RPTOR: variants seen among roughly 807,000 people sequenced by gnomAD.
RPTOR encodes regulatory-associated protein of mTOR.
A neutral mutation model predicts 169.9 loss-of-function variants in RPTOR; 21 were observed. The observed-to-expected ratio is 0.12, with a 90% confidence interval of 0.09 to 0.18. The LOEUF is 0.18. Ranked by LOEUF, RPTOR falls within the 10% of genes least tolerant of loss-of-function variation. The probability of loss-of-function intolerance (pLI) is 1.00; values close to 1 mark genes in which losing one functional copy is unlikely to be tolerated. For missense variants in RPTOR, 1,133 were observed against 1,855.9 expected, an observed-to-expected ratio of 0.61 and a Z score of 7.16; for synonymous variants, 732 against 753.2, an observed-to-expected ratio of 0.97 and a Z score of 0.46.
intron 2 of RPTOR, among the ~76,000 whole-genome samples, chr17:80,634,201 C>CTGTG (rs67850541): frequency 1.8e-5 from 2 of 108,610 alleles, no homozygotes; most frequent in African/African-American, 3.8e-5. Context: ...TGTGTGCATA[C>CTGTG]TGTGTGTGCA....
At chr17:80,727,590 C>A (rs768129525) in intron 4 of RPTOR, among the ~76,000 whole-genome samples, 2 of 152,118 alleles carry the variant, frequency 1.3e-5, no homozygotes, top group African/African-American at 4.8e-5. Context: ...GCTCCAAGAA[C>A]GTGGACGCTG....
intron 20 of RPTOR, among the ~76,000 whole-genome samples, chr17:80,899,548 G>C (rs949462618): frequency 3.3e-5 from 5 of 152,194 alleles, no homozygotes; most frequent in African/African-American, 4.8e-5. Flanking sequence ...CCCAGTTCAC[G>C]CTCATCAAGG....
intron 21 of RPTOR, among the ~76,000 whole-genome samples, chr17:80,915,162 G>A (rs2068658092): frequency 6.6e-6 from 1 of 151,776 alleles, no homozygotes; most frequent in African/African-American, 2.4e-5. Flanking sequence ...CCTCTCTGCT[G>A]AGAACTGAGC....
At chr17:80,570,516 A>C (rs541510983) in intron 1 of RPTOR, among the ~76,000 whole-genome samples, 1 of 152,004 alleles carries the variant, frequency 6.6e-6, no homozygotes, top group South Asian at 2.1e-4. Flanking sequence ...GCTGGAGTGC[A>C]ATGGTGCAGT....
chr17:80,704,564 C>A (rs2066128252), intron 3 of RPTOR, among the ~76,000 whole-genome samples: 1 of 152,204 alleles, frequency 6.6e-6, no homozygotes, highest in Non-Finnish European at 1.5e-5. Flanking sequence ...CACATACTTT[C>A]TGATATTATG....
At position 80,646,435 on chromosome 17, in the gene RPTOR, G is replaced by T. The variant is rs1367137174; in HGVS notation, c.348+2625G>T. On this transcript the variant is annotated intron_variant, in intron 3 of 33. Coordinates refer to ENST00000306801, the MANE Select transcript of RPTOR (RefSeq NM_020761.3). The surrounding 1 kb of genome is among the most constrained non-coding windows in gnomAD (Gnocchi z 5.0). The stretch of plus-strand genomic sequence containing the variant: ...CACTGCTCCTCACAGCTTTCCGTGG[G>T]TTACAGGACAGAGGGAGGGAGGCCT... Among the ~76,000 whole-genome samples, 2 of 152,300 alleles carry T rather than the reference G, an allele frequency of 1.3e-5. No individual in the cohort carries two copies. Among genetic ancestry groups the T allele is most frequent in the Admixed American group, 6.5e-5 (1 of 15,296 alleles).
intron 5 of RPTOR, among the ~76,000 whole-genome samples, chr17:80,746,000 T>G (rs2143294468): frequency 6.6e-6 from 1 of 152,224 alleles, no homozygotes; most frequent in South Asian, 2.1e-4. Flanking sequence ...CAGTCTCTAC[T>G]AAAAATATAA....
intron 3 of RPTOR, among the ~76,000 whole-genome samples, chr17:80,697,023 G>C (rs1184514694): frequency 6.6e-6 from 1 of 152,222 alleles, no homozygotes; most frequent in Non-Finnish European, 1.5e-5. Context: ...CAAAGGGCTA[G>C]TGTGACAGTC....
intron 24 of RPTOR, among the ~76,000 whole-genome samples, chr17:80,932,538 G>A (rs2068910412): frequency 6.6e-6 from 1 of 152,138 alleles, no homozygotes; most frequent in Non-Finnish European, 1.5e-5. Context: ...GAACAGATGA[G>A]GGATTTCAGC....
intron 18 of RPTOR, among the ~76,000 whole-genome samples, chr17:80,892,405 G>A (rs992029562): frequency 1.3e-5 from 2 of 152,226 alleles, no homozygotes; most frequent in East Asian, 1.9e-4. Flanking sequence ...GCTCTGCTGC[G>A]GCTTCCCGGG....
chr17:80,949,403 G>C, intron 27 of RPTOR, 40 bp from the exon 28 acceptor site: 1 of 1,526,028 alleles, frequency 6.6e-7, no homozygotes, highest in Middle Eastern at 1.7e-4. Context: ...CCAGGCCATC[G>C]AGGGGCCTGG....
intron 3 of RPTOR, among the ~76,000 whole-genome samples, chr17:80,657,258 C>T (rs2143638024): frequency 6.6e-6 from 1 of 152,250 alleles, no homozygotes; most frequent in Admixed American, 6.5e-5. Flanking sequence ...ACACTGATGG[C>T]AGAAGCAAGC....
intron 1 of RPTOR, among the ~76,000 whole-genome samples, chr17:80,566,165 ACTC>A (rs1398695150): frequency 6.6e-6 from 1 of 151,830 alleles, no homozygotes; most frequent in Non-Finnish European, 1.5e-5. Flanking sequence ...TGGGTCTAAG[ACTC>A]CTCCTGCATA....
chr17:80,914,616 CA>C (rs2068650995), intron 21 of RPTOR, among the ~76,000 whole-genome samples: 1 of 152,244 alleles, frequency 6.6e-6, no homozygotes, highest in South Asian at 2.1e-4. Flanking sequence ...AGGCTGTACC[CA>C]GGTGCTGTTG....
intron 2 of RPTOR, among the ~76,000 whole-genome samples, chr17:80,641,739 A>G (rs1230138170): frequency 2.0e-5 from 3 of 152,178 alleles, no homozygotes; most frequent in Non-Finnish European, 4.4e-5. Context: ...AGCCTTAGCG[A>G]GTTGTAATCT....
intron 3 of RPTOR, among the ~76,000 whole-genome samples, chr17:80,690,556 C>T (rs1452726763): frequency 2.0e-5 from 3 of 151,682 alleles, no homozygotes; most frequent in African/African-American, 7.3e-5. Flanking sequence ...GTCTCGATCT[C>T]GTCAGTGGCT....
Position 80,609,164 on chromosome 17 carries a change from G to A in RPTOR, c.163-16527G>A, listed in dbSNP as rs1029613273. Among the ~76,000 whole-genome samples, 2 of 152,144 alleles carry A rather than the reference G, an allele frequency of 1.3e-5. No homozygotes were observed. The highest frequency in any genetic ancestry group is 2.9e-5 in the Non-Finnish European group (2 of 68,020). On this transcript the variant is annotated intron_variant, in intron 1 of 33. Transcript: ENST00000306801. The surrounding 1 kb of genome is among the most constrained non-coding windows in gnomAD (Gnocchi z 4.8). The stretch of plus-strand genomic sequence containing the variant: ...TAGCCTGCCTCGGGCTGCAGGGGGC[G>A]GGGAGCACATGCGGCGTGCAGACCT...
intron 33 of RPTOR, among the ~76,000 whole-genome samples, chr17:80,963,969 A>T (rs1040543355): frequency 2.0e-5 from 3 of 152,132 alleles, no homozygotes; most frequent in African/African-American, 4.8e-5. Context: ...GGCTCCAGGC[A>T]TGTAGCTCTG....
intron 4 of RPTOR, among the ~76,000 whole-genome samples, chr17:80,717,033 T>C (rs1419864975): frequency 6.6e-6 from 1 of 152,232 alleles, no homozygotes. Context: ...TTTTGCTTAG[T>C]CTTGCTTCGG....
Sources: allele counts gnomAD v4.1 joint callset (sites outside exome capture counted in the v4.1 genomes callset), GRCh38; gene constraint gnomAD v4.1.1; non-coding constraint Gnocchi (gnomAD v3.1); transcripts MANE v1.5; gene names NCBI Gene and HGNC (gene_info 2026-07-23, HGNC 2026-07-21).